Variants in PDE11A observed in about 807,000 individuals in gnomAD.
PDE11A encodes the protein phosphodiesterase 11A, also known as dual 3',5'-cyclic-AMP and -GMP phosphodiesterase 11A.
In PDE11A, 100 loss-of-function variants were observed where a neutral mutation model predicts 100.5. The ratio of observed to expected loss-of-function variants is 1.00; its 90% CI spans 0.85 to 1.18. PDE11A has a LOEUF of 1.18. PDE11A is among the 50% of genes most tolerant of loss of function. PDE11A has a pLI of 0.00. For synonymous variants in PDE11A, 381 were observed against 420.8 expected (o/e 0.91, Z 1.16); for missense variants, 1,141 against 1,152.6 (o/e 0.99, Z 0.15).
chr2:178,053,882 A>C (rs2086862858), intron 1 of PDE11A, among the ~76,000 whole-genome samples: 1 of 152,182 alleles, frequency 6.6e-6, no homozygotes, highest in Admixed American at 6.5e-5. Context: ...AAGTGGAAAA[A>C]AATTCCATGC....
In PDE11A at chr2:178,082,627, G is replaced by A. The variant is rs150062485; in HGVS notation, c.162+21675C>T. ...TATAGGAGGAGTCATGAATATTTAT[G>A]AAAGAAGAAACAAAGTGCATGCACA... On this transcript the variant is annotated intron_variant, in intron 2 of 20. Transcript: ENST00000358450. Among the ~76,000 whole-genome samples the A allele has an allele frequency of 2.9e-3, 446 of 152,332 alleles. 3 individuals are homozygous for A. The highest frequency in any genetic ancestry group is 9.8e-3 in the African/African-American group (407 of 41,576).
chr2:177,747,722 C>T (rs547599018), intron 10 of PDE11A, among the ~76,000 whole-genome samples: 1 of 152,284 alleles, frequency 6.6e-6, no homozygotes, highest in South Asian at 2.1e-4. Flanking sequence ...TGCCTTTTAT[C>T]GTATTGCCTG....
Position 177,840,442 on chromosome 2 carries a change from G to T in PDE11A, c.1368-59C>A, listed in dbSNP as rs976722502. ...AGAGAAACGTAAGTTTTCTTGAAAG[G>T]AAACCCTATAAACTACACTAATATC... On this transcript the variant is annotated intron_variant, in intron 5 of 19. Coordinates refer to ENST00000286063, the MANE Select transcript of PDE11A (RefSeq NM_016953.4). 3.4e-6 allele frequency: 5 copies of T among 1,491,896 alleles called. No homozygotes were observed. In the African/African-American group the frequency reaches 6.9e-5, roughly 21 times the overall value. The allele number at this position is 1,491,896 out of a possible 1,614,324, so 92.4% of individuals were successfully genotyped here. A position where few individuals can be genotyped will look rare whatever the true frequency, so the allele number is the denominator to read the frequency against.
intron 6 of PDE11A, among the ~76,000 whole-genome samples, chr2:177,834,482 C>A (rs2083359557): frequency 6.6e-6 from 1 of 152,192 alleles, no homozygotes; most frequent in Non-Finnish European, 1.5e-5. Context: ...GTGTTTCACC[C>A]TCACCCCAAT....
chr2:177,788,346 C>A (rs1033154982), intron 9 of PDE11A, among the ~76,000 whole-genome samples: 4 of 144,390 alleles, frequency 2.8e-5, no homozygotes, highest in African/African-American at 1.0e-4. Flanking sequence ...CCAACGAGAA[C>A]AAAGACACCA....
intron 5 of PDE11A, 42 bp from the exon 6 acceptor site, chr2:177,840,425 G>C (rs181375011): frequency 6.3e-7 from 1 of 1,599,736 alleles, no homozygotes; most frequent in African/African-American, 1.3e-5. Context: ...AGAGAGAAAC[G>C]TAAGTTTTCT....
intron 1 of PDE11A, among the ~76,000 whole-genome samples, chr2:178,051,980 C>A (rs964188778): frequency 2.0e-5 from 3 of 152,066 alleles, no homozygotes; most frequent in African/African-American, 4.8e-5. Context: ...CAAGGATACC[C>A]AGGAATTGAA....
At chr2:177,727,629 G>T (rs866303892) in intron 12 of PDE11A, 29 bp downstream of exon 12, 12 of 1,246,128 alleles carry the variant, frequency 9.6e-6, no homozygotes, top group Non-Finnish European at 1.3e-5. Context: ...AATGAGAAAT[G>T]ATCTTCCACC....
rs1049447355 is a variant in PDE11A, at chr2:177,627,670, AC to A, written c.*1736del. On this transcript the variant is annotated 3_prime_UTR_variant, in exon 20 of 20. Transcript: ENST00000286063. Reference sequence around the variant, plus strand: ...AGATCAGCCTGGCAAACATGGTGAAACCCTGTGTCTACTAAAAGTACAAAAA... The same window carrying A: ...AGATCAGCCTGGCAAACATGGTGAAACCTGTGTCTACTAAAAGTACAAAAA... 7.2e-5 allele frequency: 11 copies of A among 151,984 alleles called. No homozygotes were observed. Among genetic ancestry groups the A allele is most frequent in the African/African-American group, 2.7e-4 (11 of 41,392 alleles). The allele number at this position is 151,984 out of a possible 1,614,324, so 9.4% of individuals were successfully genotyped here.
intron 9 of PDE11A, among the ~76,000 whole-genome samples, chr2:177,805,049 A>C (rs1033873073): frequency 6.6e-6 from 1 of 151,336 alleles, no homozygotes; most frequent in Admixed American, 6.6e-5. Context: ...CCATGTAAGA[A>C]ATCTGCACTT....
At chr2:177,671,626 G>A (rs147185729) in intron 17 of PDE11A, among the ~76,000 whole-genome samples, 2 of 151,992 alleles carry the variant, frequency 1.3e-5, no homozygotes, top group African/African-American at 4.8e-5. Flanking sequence ...AAACAAGAAT[G>A]AGATTGCTAG....
At chr2:178,029,957 C>T (rs2086524303) in intron 1 of PDE11A, among the ~76,000 whole-genome samples, 1 of 152,170 alleles carries the variant, frequency 6.6e-6, no homozygotes, top group Non-Finnish European at 1.5e-5. Flanking sequence ...TGTTATGCCA[C>T]AGCAAGAAGG....
intron 15 of PDE11A, among the ~76,000 whole-genome samples, chr2:177,689,066 TCTC>T (rs1310304266): frequency 1.3e-5 from 2 of 152,112 alleles, no homozygotes; most frequent in Admixed American, 6.6e-5. Context: ...TCACTGTAAC[TCTC>T]CTCAATTTCT....
At chr2:177,810,127 A>C (rs74386448) in intron 9 of PDE11A, among the ~76,000 whole-genome samples, 3,278 of 152,282 alleles carry the variant, frequency 0.022, 62 homozygotes, top group South Asian at 0.044. Context: ...GGAGGAAGGG[A>C]ATACGAGCTG....
At chr2:178,089,242 G>A (rs1201161821) in intron 2 of PDE11A, among the ~76,000 whole-genome samples, 1 of 152,218 alleles carries the variant, frequency 6.6e-6, no homozygotes, top group Non-Finnish European at 1.5e-5. Flanking sequence ...AGACGACTAT[G>A]GGAGGTTGTT....
chr2:177,893,098 C>T (rs74987204), intron 4 of PDE11A, among the ~76,000 whole-genome samples: 4 of 152,134 alleles, frequency 2.6e-5, no homozygotes, highest in African/African-American at 9.7e-5. Context: ...GACAACCTCA[C>T]ATTTATTATT....
At position 178,000,914 on chromosome 2, in the gene PDE11A, A is replaced by G. The variant is rs557267634; in HGVS notation, c.1071+13388T>C. 2.6e-5 allele frequency among the ~76,000 whole-genome samples: 4 copies of G among 152,310 alleles called. No individual in the cohort carries two copies. In the South Asian group the frequency reaches 6.2e-4, roughly 24 times the overall value. On this transcript the variant is annotated intron_variant, in intron 2 of 19. Coordinates refer to ENST00000286063, the MANE Select transcript of PDE11A (RefSeq NM_016953.4). ...CCCATCTACCTGTTCATGGGTCCCA[A>G]AAGTGAAGATGCAACAGTAGGAAAC...
intron 2 of PDE11A, among the ~76,000 whole-genome samples, chr2:177,998,972 G>T (rs942058600): frequency 6.6e-6 from 1 of 152,158 alleles, no homozygotes; most frequent in Non-Finnish European, 1.5e-5. Context: ...TCTAGATCTA[G>T]TGCAAAATGT....
In PDE11A at chr2:178,051,895, T is replaced by C. The variant is rs1453604905; in HGVS notation, c.912+19631A>G. On this transcript the variant is annotated intron_variant, in intron 1 of 19. Transcript: ENST00000286063. ...TTAGAGACCTACAAAGAGACTTAGA[T>C]TCCCACACAATAATAATGGGAGACT... Among the ~76,000 whole-genome samples, 14 of 152,060 alleles carry C rather than the reference T, an allele frequency of 9.2e-5. No homozygotes were observed. In the East Asian group the frequency reaches 2.5e-3, roughly 27 times the overall value.
Sources: allele counts gnomAD v4.1 joint callset (sites outside exome capture counted in the v4.1 genomes callset), GRCh38; gene constraint gnomAD v4.1.1; transcripts MANE v1.5; gene names NCBI Gene and HGNC (gene_info 2026-07-23, HGNC 2026-07-21).